GABRG2: variants seen among roughly 807,000 people sequenced by gnomAD.
GABRG2 encodes gamma-aminobutyric acid type A receptor subunit gamma2.
GABRG2 carries 16 observed loss-of-function variants against 56.4 expected under a neutral mutation model. The ratio of observed to expected loss-of-function variants is 0.28; its 90% confidence interval spans 0.19 to 0.43. GABRG2 has a LOEUF of 0.43. GABRG2 is among the 20% of genes least tolerant of loss of function. The probability of loss-of-function intolerance (pLI) is 1.00; values close to 1 mark genes in which losing one functional copy is unlikely to be tolerated. For missense variants in GABRG2, 327 were observed against 582.7 expected (o/e 0.56, Z 4.52); for synonymous variants, 208 against 205.5 (o/e 1.01, Z -0.10).
In GABRG2 at chr5:162,145,766, T is replaced by C. The variant is rs572862093; in HGVS notation, c.923-3342T>C. On this transcript the variant is annotated intron_variant, in intron 7 of 9. Transcript: ENST00000639213. ...ACTCATCTACAGTACCTACCATAAATACTGACATTTTCACTTGTCGAGGGT... is the reference window on the plus strand; with the variant it reads ...ACTCATCTACAGTACCTACCATAAACACTGACATTTTCACTTGTCGAGGGT... 2.6e-5 allele frequency among the ~76,000 whole-genome samples: 4 copies of C among 152,298 alleles called. No individual in the cohort carries two copies. The South Asian group carries it at 8.3e-4, about 32-fold the overall frequency.
intron 1 of GABRG2, among the ~76,000 whole-genome samples, chr5:162,075,477 G>GA (rs925697678): frequency 2.2e-4 from 33 of 150,098 alleles, no homozygotes; most frequent in Middle Eastern, 3.4e-3. Context: ...TAATTAATCA[G>GA]AAAAAAAAAT....
At chr5:162,068,363 C>G (rs988427399) in intron 1 of GABRG2, among the ~76,000 whole-genome samples, 1 of 151,940 alleles carries the variant, frequency 6.6e-6, no homozygotes, top group Non-Finnish European at 1.5e-5. Flanking sequence ...CTCATAAAGA[C>G]TAAATATTTA....
chr5:162,150,048 G>A (rs988145167), intron 8 of GABRG2: 7 of 158,740 alleles, frequency 4.4e-5, no homozygotes, highest in African/African-American at 1.7e-4. Context: ...GTATGGAGGT[G>A]GAATGTGGGT....
chr5:162,136,125 G>C (rs1018411606), intron 6 of GABRG2, among the ~76,000 whole-genome samples: 1 of 152,144 alleles, frequency 6.6e-6, no homozygotes, highest in Non-Finnish European at 1.5e-5. Context: ...AAAGTGGGGA[G>C]ATTATAAAGC....
At chr5:162,152,029 C>A (rs1765410958) in intron 9 of GABRG2, 1 of 348,558 alleles carries the variant, frequency 2.9e-6, no homozygotes, top group African/African-American at 2.1e-5. Flanking sequence ...AAATGAGCTT[C>A]CTCTTTTCAG....
intron 3 of GABRG2, among the ~76,000 whole-genome samples, chr5:162,096,509 A>G (rs535105274): frequency 5.3e-5 from 8 of 152,254 alleles, no homozygotes; most frequent in African/African-American, 1.9e-4. Flanking sequence ...TTTTATTTCT[A>G]CTGGCACATC....
chr5:162,118,690 G>A (rs532616874), intron 6 of GABRG2, among the ~76,000 whole-genome samples: 1 of 152,012 alleles, frequency 6.6e-6, no homozygotes, highest in Non-Finnish European at 1.5e-5. Flanking sequence ...AAGGAACAAG[G>A]CTGAGATTGT....
In GABRG2 at chr5:162,095,653, A is replaced by G. The variant is rs1456943339; in HGVS notation, c.327+91A>G. 14 of 900,600 alleles carry G rather than the reference A, an allele frequency of 1.6e-5. No homozygotes were observed. In the Admixed American group the frequency reaches 2.6e-4, roughly 17 times the overall value. The allele number at this position is 900,600 out of a possible 1,614,324, so 55.8% of individuals were successfully genotyped here. On this transcript the variant is annotated intron_variant, in intron 3 of 9. Coordinates refer to ENST00000639213, the MANE Select transcript of GABRG2 (RefSeq NM_198904.4). ...GGAAATAGCAAAAGACATGCCAGCA[A>G]AAAATTTAAGTTTAAAACTTTAGAA... is the stretch of plus-strand genomic sequence containing the variant.
chr5:162,152,849 T>G, intron 9 of GABRG2: 1 of 599,322 alleles, frequency 1.7e-6, no homozygotes, highest in Non-Finnish European at 3.0e-6. Context: ...GTGTTCAATC[T>G]CCTTGCTATA....
chr5:162,073,458 A>G (rs1476937365), intron 1 of GABRG2, among the ~76,000 whole-genome samples: 1 of 151,896 alleles, frequency 6.6e-6, no homozygotes, highest in Admixed American at 6.6e-5. Flanking sequence ...CTTGCTTTTT[A>G]TTGAGCAAAT....
At chr5:162,118,096 G>A (rs1284982122) in intron 6 of GABRG2, among the ~76,000 whole-genome samples, 1 of 151,652 alleles carries the variant, frequency 6.6e-6, no homozygotes, top group Admixed American at 6.6e-5. Flanking sequence ...TGGTGATTTG[G>A]TATAGCAGTT....
chr5:162,152,593 G>T, intron 9 of GABRG2: 1 of 247,142 alleles, frequency 4.0e-6, no homozygotes. Flanking sequence ...GGAAAATTCT[G>T]TATTTATATA....
intron 6 of GABRG2, among the ~76,000 whole-genome samples, chr5:162,125,963 T>C (rs1763317106): frequency 6.6e-6 from 1 of 151,990 alleles, no homozygotes; most frequent in Non-Finnish European, 1.5e-5. Flanking sequence ...GTTACAGTTA[T>C]TAATTTAAAA....
At chr5:162,137,211 C>A (rs993464970) in intron 6 of GABRG2, among the ~76,000 whole-genome samples, 1 of 152,276 alleles carries the variant, frequency 6.6e-6, no homozygotes, top group Admixed American at 6.5e-5. Flanking sequence ...ACATAAAAAA[C>A]CGTGGGAAAA....
At chr5:162,135,175 A>T (rs1581425763) in intron 6 of GABRG2, among the ~76,000 whole-genome samples, 1 of 152,158 alleles carries the variant, frequency 6.6e-6, no homozygotes, top group Non-Finnish European at 1.5e-5. Flanking sequence ...ATAATACTTT[A>T]CTAAACATAA....
At chr5:162,078,388 TA>T (rs375365041) in intron 1 of GABRG2, among the ~76,000 whole-genome samples, 3,427 of 53,052 alleles carry the variant, frequency 0.065, 235 homozygotes, top group East Asian at 0.12. Flanking sequence ...TATATATATA[TA>T]TATATATATT....
At chr5:162,076,124 C>A in intron 1 of GABRG2, among the ~76,000 whole-genome samples, 1 of 152,048 alleles carries the variant, frequency 6.6e-6, no homozygotes, top group Non-Finnish European at 1.5e-5. Flanking sequence ...TGTACTCAAG[C>A]CTGGGTGACA....
intron 6 of GABRG2, among the ~76,000 whole-genome samples, chr5:162,113,623 G>A (rs1762406452): frequency 6.6e-6 from 1 of 152,120 alleles, no homozygotes; most frequent in African/African-American, 2.4e-5. Context: ...TACTGGATTA[G>A]TTTCCAAACA....
Position 162,154,273 on chromosome 5 carries a change from G to T in GABRG2, c.*905G>T, listed in dbSNP as rs1392347884. The T allele has an allele frequency of 6.6e-6, 1 of 152,112 alleles. No individual in the cohort carries two copies. Among genetic ancestry groups the T allele is most frequent in the East Asian group, 1.9e-4 (1 of 5,182 alleles). 9.4% of individuals were successfully genotyped at this position (152,112 alleles called of 1,614,324 possible). On this transcript the variant is annotated 3_prime_UTR_variant, in exon 10 of 10. Transcript: ENST00000639213. ...TTTTTTTCTTCCTTTTAGGATGATA[G>T]ATCATAACAGAACTTATTCTCCATC... is the stretch of plus-strand genomic sequence containing the variant.
Sources: gnomAD v4.1 joint callset for allele counts (sites outside exome capture counted in the v4.1 genomes callset) on GRCh38, gnomAD v4.1.1 for gene constraint, MANE v1.5 for transcripts, NCBI Gene and HGNC (gene_info 2026-07-23, HGNC 2026-07-21) for gene names.